HPD: variants seen among roughly 807,000 people sequenced by gnomAD.
The protein encoded by HPD is 4-hydroxyphenylpyruvic acid oxidase.
A neutral mutation model predicts 56.9 loss-of-function variants in HPD; 35 were observed. That is an observed-to-expected ratio of 0.62 (90% confidence interval 0.47 to 0.82). HPD has a LOEUF of 0.82. Ranked by LOEUF, HPD falls within the 40% of genes least tolerant of loss-of-function variation. HPD has a pLI of 0.00. For synonymous variants in HPD, 186 were observed against 200.2 expected, an observed-to-expected ratio of 0.93 and a Z score of 0.60; for missense variants, 442 against 506.8, an observed-to-expected ratio of 0.87 and a Z score of 1.23.
At position 121,839,836 on chromosome 12, in the gene HPD, A is replaced by G; in HGVS notation, c.1074T>C (p.Gly358=). The change falls in exon 14 of 14, where the codon GGT becomes GGC. Residue 358 remains glycine, a splice_region_variant and synonymous_variant. Transcript: ENST00000289004. ...GTGAGTTGAAGTTGCCGGCTCCAAAACCCTGTGGCGGGAAAGAGAGGAGAT... is the reference window on the plus strand; with the variant it reads ...GTGAGTTGAAGTTGCCGGCTCCAAAGCCCTGTGGCGGGAAAGAGAGGAGAT... ...LEVIQRHNHQ[G]FGAGNFNSLF... 1.2e-6 allele frequency: 2 copies of G among 1,613,878 alleles called. No homozygotes were observed. The highest frequency in any genetic ancestry group is 8.5e-7 in the Non-Finnish European group (1 of 1,179,850).
the HPD span, among the ~76,000 whole-genome samples, chr12:121,884,016 T>G: frequency 1.3e-5 from 2 of 152,198 alleles, no homozygotes; most frequent in Non-Finnish European, 2.9e-5. Context: ...ATTATCTGAC[T>G]GAGGAAACTT....
chr12:121,845,414 G>T (rs1387548167), intron 11 of HPD, among the ~76,000 whole-genome samples: 1 of 149,058 alleles, frequency 6.7e-6, no homozygotes, highest in Non-Finnish European at 1.5e-5. Context: ...GGCTAACACA[G>T]TGAAACCCCG....
chr12:121,881,375 A>AC, the HPD span, among the ~76,000 whole-genome samples: 1 of 151,964 alleles, frequency 6.6e-6, no homozygotes, highest in Non-Finnish European at 1.5e-5. Flanking sequence ...CCAACCTGAG[A>AC]CCCTGGCAGG....
chr12:121,882,713 TTCTTTTTCTTTTTGTTTTTGAGAGGGA>T, the HPD span, among the ~76,000 whole-genome samples: 23 of 152,070 alleles, frequency 1.5e-4, no homozygotes, highest in Admixed American at 1.3e-3. Flanking sequence ...GAGGTAGTAT[TTCTTTTTCTTTTTGTTTTTGAGAGGGA>T]TCTTTTTCTT....
upstream of HPD, among the ~76,000 whole-genome samples, chr12:121,864,291 AC>A (rs1878263677): frequency 6.8e-6 from 1 of 147,206 alleles, no homozygotes; most frequent in Non-Finnish European, 1.5e-5. Context: ...AGTGGCTCAT[AC>A]CTGTAATCCC....
the HPD span, among the ~76,000 whole-genome samples, chr12:121,888,408 A>C: frequency 1.7e-3 from 262 of 152,320 alleles, no homozygotes; most frequent in African/African-American, 6.0e-3. Flanking sequence ...GGATCTGTAA[A>C]GTGAGGGATA....
At chr12:121,861,355 G>T (rs966486904), upstream of HPD, among the ~76,000 whole-genome samples, 4 of 149,766 alleles carry the variant, frequency 2.7e-5, no homozygotes. Flanking sequence ...AAAAAAATTA[G>T]CTGGGTGTGG....
upstream of HPD, among the ~76,000 whole-genome samples, chr12:121,866,174 G>A (rs1297439648): frequency 3.3e-5 from 5 of 151,664 alleles, no homozygotes; most frequent in Non-Finnish European, 5.9e-5. Context: ...GGTGGCAGGC[G>A]CCTGTAGTCC....
In HPD at chr12:121,839,714, G is replaced by T. The variant is rs1437413705; in HGVS notation, c.*14C>A. 1 of 1,580,350 alleles carries T rather than the reference G, an allele frequency of 6.3e-7. No homozygotes were observed. The highest frequency in any genetic ancestry group is 2.2e-5 in the East Asian group (1 of 44,730). ...GTGGCTGTGTGGCTGTGGCCTCCGT[G>T]GGGTGGGCGGGGCTTACATGCCGGG... On this transcript the variant is annotated 3_prime_UTR_variant, in exon 14 of 14. Coordinates refer to ENST00000289004, the MANE Select transcript of HPD (RefSeq NM_002150.3).
chr12:121,841,686 CTT>C (rs777692770), intron 12 of HPD, among the ~76,000 whole-genome samples: 2 of 146,388 alleles, frequency 1.4e-5, no homozygotes, highest in African/African-American at 2.5e-5. Flanking sequence ...TTTGTGATTC[CTT>C]TTTTTTTTTT....
chr12:121,839,637 C>T lies in HPD; in HGVS notation c.*91G>A. The T allele has an allele frequency of 1.0e-6, 1 of 970,518 alleles. No homozygotes were observed. The highest frequency in any genetic ancestry group is 1.6e-6 in the Non-Finnish European group (1 of 609,688). The allele number at this position is 970,518 out of a possible 1,614,324, so 60.1% of individuals were successfully genotyped here. ...GGGCCGAGTCCGCTGGTGGGCGGGA[C>T]CCAAGGGGAGCAGCCAGTAGGGAAG... On this transcript the variant is annotated 3_prime_UTR_variant, in exon 14 of 14. Coordinates refer to ENST00000289004, the MANE Select transcript of HPD (RefSeq NM_002150.3).
rs564460302 is a variant in HPD at position 121,846,766 on chromosome 12, G to C, written c.831+96C>G. The stretch of plus-strand genomic sequence containing the variant: ...TGTCAGTCTCCCAGCCCAGAGAAAC[G>C]GGCCCAGGACTGCCGCCACCCGCCC... On this transcript the variant is annotated intron_variant, in intron 11 of 13. Transcript: ENST00000289004. The C allele has an allele frequency of 2.6e-6, 3 of 1,135,412 alleles. No homozygotes were observed. The African/African-American group carries it at 4.6e-5, about 17-fold the overall frequency. The allele number at this position is 1,135,412 out of a possible 1,614,324, so 70.3% of individuals were successfully genotyped here.
intron 12 of HPD, among the ~76,000 whole-genome samples, chr12:121,840,393 C>A (rs1415205019): frequency 6.6e-6 from 1 of 152,088 alleles, no homozygotes; most frequent in Non-Finnish European, 1.5e-5. Flanking sequence ...CTCCGCCTTC[C>A]GGGTTCAAGC....
At chr12:121,865,260 T>C (rs1004688379), upstream of HPD, among the ~76,000 whole-genome samples, 1 of 94,050 alleles carries the variant, frequency 1.1e-5, no homozygotes. Context: ...ACAGCGACAC[T>C]CTCTTTCTTT....
the HPD span, among the ~76,000 whole-genome samples, chr12:121,885,823 A>T: frequency 6.6e-6 from 1 of 151,530 alleles, no homozygotes; most frequent in Non-Finnish European, 1.5e-5. Context: ...AAATTAGCCG[A>T]GCATGGTGGC....
the HPD span, among the ~76,000 whole-genome samples, chr12:121,881,647 T>C: frequency 6.6e-6 from 1 of 151,516 alleles, no homozygotes; most frequent in Admixed American, 6.6e-5. Context: ...TTTTTTTGTT[T>C]GTTTGTTTGT....
chr12:121,885,781 G>A, the HPD span, among the ~76,000 whole-genome samples: 1 of 151,554 alleles, frequency 6.6e-6, no homozygotes. Context: ...TGGCCAACAT[G>A]GTGAAACCTT....
intron 9 of HPD, among the ~76,000 whole-genome samples, chr12:121,848,558 C>T (rs942537368): frequency 1.3e-5 from 2 of 151,902 alleles, no homozygotes; most frequent in South Asian, 2.1e-4. Flanking sequence ...GTGATCCACC[C>T]GCCTCCGCCT....
upstream of HPD, among the ~76,000 whole-genome samples, chr12:121,868,367 G>A (rs555511427): frequency 1.2e-4 from 18 of 151,930 alleles, no homozygotes; most frequent in South Asian, 1.7e-3. Context: ...TTTTTGAGAC[G>A]GAGTCTTGCA....
Sources: gnomAD v4.1 joint callset for allele counts (sites outside exome capture counted in the v4.1 genomes callset) on GRCh38, gnomAD v4.1.1 for gene constraint, MANE v1.5 for transcripts, NCBI Gene and HGNC (gene_info 2026-07-23, HGNC 2026-07-21) for gene names.